Variants in SMAP1 observed in about 807,000 individuals in gnomAD.
The protein encoded by SMAP1 is small ArfGAP 1, also known as stromal membrane-associated protein 1.
A neutral mutation model predicts 58.5 loss-of-function variants in SMAP1; 24 were observed. That is an observed-to-expected ratio of 0.41 (90% confidence interval 0.30 to 0.58). The LOEUF is 0.58. Among genes scored for constraint, SMAP1 ranks in the 20% least tolerant of loss-of-function variants. The pLI is 0.29. For synonymous variants in SMAP1, 216 were observed against 196.6 expected, an observed-to-expected ratio of 1.10 and a Z score of -0.82; for missense variants, 563 against 566.3, an observed-to-expected ratio of 0.99 and a Z score of 0.06.
chr6:70,701,420 A>G (rs982201498), intron 1 of SMAP1, among the ~76,000 whole-genome samples: 1 of 152,196 alleles, frequency 6.6e-6, no homozygotes, highest in Non-Finnish European at 1.5e-5. Flanking sequence ...AGCCCAGCAC[A>G]GCACCGGGAC....
chr6:70,808,154 G>C (rs951398262), intron 6 of SMAP1, among the ~76,000 whole-genome samples: 2 of 152,140 alleles, frequency 1.3e-5, no homozygotes, highest in Non-Finnish European at 2.9e-5. Context: ...TCCTGTCTCA[G>C]AGGTGGCAGA....
intron 1 of SMAP1, chr6:70,694,511 A>T (rs1469445062): frequency 6.5e-6 from 1 of 152,956 alleles, no homozygotes; most frequent in Non-Finnish European, 1.5e-5. Context: ...AACCTAGAAG[A>T]AGTTGTTGAA....
At chr6:70,748,814 G>A (rs1766153936) in intron 2 of SMAP1, among the ~76,000 whole-genome samples, 1 of 152,006 alleles carries the variant, frequency 6.6e-6, no homozygotes, top group African/African-American at 2.4e-5. Context: ...CTGTCATTCA[G>A]TTGCCCTCCA....
At chr6:70,695,952 T>A (rs962869462) in intron 1 of SMAP1, among the ~76,000 whole-genome samples, 15 of 152,176 alleles carry the variant, frequency 9.9e-5, no homozygotes, top group African/African-American at 3.6e-4. Context: ...TCAATCTCAT[T>A]TCTTGTTATT....
chr6:70,853,616 T>A (rs1479570550), intron 8 of SMAP1, among the ~76,000 whole-genome samples: 1 of 152,182 alleles, frequency 6.6e-6, no homozygotes, highest in Non-Finnish European at 1.5e-5. Flanking sequence ...AACAAGTAGA[T>A]TTCTTAGGAA....
intron 1 of SMAP1, among the ~76,000 whole-genome samples, chr6:70,720,495 G>A (rs1287069874): frequency 6.6e-6 from 1 of 152,172 alleles, no homozygotes; most frequent in Non-Finnish European, 1.5e-5. Context: ...AGCTCCACTA[G>A]GTGGTGCCCC....
At chr6:70,807,310 G>A (rs1272343619) in intron 6 of SMAP1, among the ~76,000 whole-genome samples, 1 of 152,058 alleles carries the variant, frequency 6.6e-6, no homozygotes, top group Non-Finnish European at 1.5e-5. Context: ...TTTTTTTCTG[G>A]GAGGAGAAAG....
chr6:70,667,985 C>A lies in SMAP1; in HGVS notation c.-39C>A. 1 of 1,534,496 alleles carries A rather than the reference C, an allele frequency of 6.5e-7. No homozygotes were observed. The highest frequency in any genetic ancestry group is 8.8e-7 in the Non-Finnish European group (1 of 1,137,302). On this transcript the variant is annotated 5_prime_UTR_variant, in exon 1 of 11. Transcript: ENST00000370455. Reference sequence around the variant, plus strand: ...GCCCGGCTCCAGCCAGCGTCCGCCGCCGCCGTAGCTGCCCCAGGCTCCCCG... The same window carrying A: ...GCCCGGCTCCAGCCAGCGTCCGCCGACGCCGTAGCTGCCCCAGGCTCCCCG...
Position 70,861,952 on chromosome 6 carries a change from A to G in SMAP1, c.*1618A>G. On this transcript the variant is annotated 3_prime_UTR_variant, in exon 11 of 11. Transcript: ENST00000370455. ...TTAAATACAGCTTTTGGATTGGACA[A>G]AATGACTTGAAGACTTACAGCAAAT... 1 of 1,613,564 alleles carries G rather than the reference A, an allele frequency of 6.2e-7. No homozygotes were observed. The highest frequency in any genetic ancestry group is 8.5e-7 in the Non-Finnish European group (1 of 1,179,566).
intron 1 of SMAP1, among the ~76,000 whole-genome samples, chr6:70,690,874 G>GT (rs1417372585): frequency 4.7e-5 from 7 of 148,638 alleles, no homozygotes; most frequent in African/African-American, 4.9e-5. Context: ...CTTCCCCACT[G>GT]TTTTTTTTTC....
chr6:70,831,458 CTTCT>C (rs1770354745), intron 6 of SMAP1, among the ~76,000 whole-genome samples: 2 of 152,032 alleles, frequency 1.3e-5, no homozygotes, highest in African/African-American at 4.8e-5. Context: ...CTGTTGTTCC[CTTCT>C]TTGTGTTCAT....
chr6:70,717,349 C>G (rs979195374), intron 1 of SMAP1, among the ~76,000 whole-genome samples: 13 of 152,334 alleles, frequency 8.5e-5, no homozygotes, highest in Middle Eastern at 3.4e-3. Context: ...TACCAAGACA[C>G]TCTTGCTCTT....
At chr6:70,798,575 A>G in intron 5 of SMAP1, 82 bp from the exon 6 acceptor site, 1 of 1,015,034 alleles carries the variant, frequency 9.9e-7, no homozygotes, top group East Asian at 2.6e-5. Flanking sequence ...TTTTCAGATG[A>G]TTACTCAAAC....
At chr6:70,821,757 C>T (rs1202264026) in intron 6 of SMAP1, among the ~76,000 whole-genome samples, 1 of 152,042 alleles carries the variant, frequency 6.6e-6, no homozygotes, top group African/African-American at 2.4e-5. Flanking sequence ...CTACAATGCC[C>T]GCAAGCCTAG....
intron 3 of SMAP1, among the ~76,000 whole-genome samples, chr6:70,768,607 T>C (rs570364052): frequency 9.6e-4 from 146 of 152,210 alleles, no homozygotes; most frequent in African/African-American, 2.7e-3. Context: ...TCCCCTTTAT[T>C]ATTTTTTATT....
chr6:70,809,906 G>A (rs1345553093), intron 6 of SMAP1, among the ~76,000 whole-genome samples: 1 of 152,054 alleles, frequency 6.6e-6, no homozygotes, highest in Admixed American at 6.6e-5. Flanking sequence ...CTATATATTA[G>A]GTTTAGGAAG....
intron 6 of SMAP1, among the ~76,000 whole-genome samples, chr6:70,819,517 G>C (rs147922688): frequency 1.6e-3 from 239 of 152,276 alleles, no homozygotes; most frequent in Middle Eastern, 6.8e-3. Flanking sequence ...TGAGTTTGCT[G>C]TGTTTCCATT....
chr6:70,765,174 T>C (rs968166354), intron 3 of SMAP1, among the ~76,000 whole-genome samples: 2 of 152,236 alleles, frequency 1.3e-5, no homozygotes, highest in Non-Finnish European at 2.9e-5. Context: ...TATGTCCAGC[T>C]TGCGTCCCTG....
chr6:70,858,276 ATTTTCTAAATCTTTTTTTTT>A, intron 10 of SMAP1, 47 bp downstream of exon 10: 1 of 296,356 alleles, frequency 3.4e-6, no homozygotes. Flanking sequence ...AACCAGATTT[ATTTTCTAAATCTTTTTTTTT>A]TTTTTTTTTT....
Sources: allele counts gnomAD v4.1 joint callset (sites outside exome capture counted in the v4.1 genomes callset), GRCh38; gene constraint gnomAD v4.1.1; transcripts MANE v1.5; gene names NCBI Gene and HGNC (gene_info 2026-07-23, HGNC 2026-07-21).